SLC35F3: variants seen among roughly 807,000 people sequenced by gnomAD.
The protein encoded by SLC35F3 is solute carrier family 35 member F3.
A neutral mutation model predicts 49.9 loss-of-function variants in SLC35F3; 25 were observed. The observed-to-expected ratio is 0.50, with a 90% CI of 0.37 to 0.70. The LOEUF (loss-of-function observed/expected upper bound fraction) is 0.70, where lower values mean the gene tolerates loss of function less well. Among genes scored for constraint, SLC35F3 ranks in the 30% least tolerant of loss-of-function variants. The pLI is 0.00. For missense variants in SLC35F3, 525 were observed against 639.8 expected (o/e 0.82, Z 1.94); for synonymous variants, 275 against 265.4 (o/e 1.04, Z -0.35).
At chr1:233,945,127 G>A (rs1055335529) in intron 2 of SLC35F3, among the ~76,000 whole-genome samples, 2 of 151,768 alleles carry the variant, frequency 1.3e-5, no homozygotes, top group African/African-American at 4.8e-5. Context: ...ATTTTCATTC[G>A]GTTAGTGATC....
chr1:234,018,737 A>G (rs1213856096), intron 2 of SLC35F3, among the ~76,000 whole-genome samples: 2 of 152,242 alleles, frequency 1.3e-5, no homozygotes, highest in African/African-American at 4.8e-5. Flanking sequence ...TGATTCAAGC[A>G]TCTCTGCCAA....
At chr1:233,909,467 G>C (rs1323174316) in intron 2 of SLC35F3, among the ~76,000 whole-genome samples, 2 of 152,112 alleles carry the variant, frequency 1.3e-5, no homozygotes, top group East Asian at 3.8e-4. Flanking sequence ...CTGACCTCTG[G>C]GACAGGGAGC....
At chr1:234,026,866 A>G (rs1434224530) in intron 2 of SLC35F3, 1 of 152,286 alleles carries the variant, frequency 6.6e-6, no homozygotes, top group Non-Finnish European at 1.5e-5. Context: ...AGCAAAGTGT[A>G]CAAAGGCTCC....
chr1:234,130,564 G>A (rs532936183), intron 2 of SLC35F3, among the ~76,000 whole-genome samples: 35 of 151,626 alleles, frequency 2.3e-4, no homozygotes, highest in African/African-American at 6.8e-4. Context: ...GCGTGAACCC[G>A]GGAGGTGGAG....
intron 2 of SLC35F3, among the ~76,000 whole-genome samples, chr1:234,184,306 C>A (rs1210935874): frequency 6.6e-6 from 1 of 152,144 alleles, no homozygotes; most frequent in Non-Finnish European, 1.5e-5. Flanking sequence ...AGTCCCATAG[C>A]AAAATATCAT....
intron 2 of SLC35F3, among the ~76,000 whole-genome samples, chr1:234,190,014 ACT>A (rs1296465777): frequency 1.3e-5 from 2 of 152,190 alleles, no homozygotes; most frequent in African/African-American, 2.4e-5. Flanking sequence ...ACAAACACAC[ACT>A]AAGAGAATTC....
At chr1:234,125,855 C>A (rs1366545826) in intron 2 of SLC35F3, among the ~76,000 whole-genome samples, 1 of 152,172 alleles carries the variant, frequency 6.6e-6, no homozygotes, top group Non-Finnish European at 1.5e-5. Context: ...AACCCTCGGA[C>A]CCCTCGTTCC....
At chr1:234,227,031 G>C (rs539894787) in intron 2 of SLC35F3, among the ~76,000 whole-genome samples, 4 of 151,544 alleles carry the variant, frequency 2.6e-5, no homozygotes, top group African/African-American at 9.7e-5. Context: ...GGATGAACCC[G>C]CCTGTCCTCC....
chr1:234,116,197 G>A (rs1665483992), intron 2 of SLC35F3, among the ~76,000 whole-genome samples: 1 of 152,146 alleles, frequency 6.6e-6, no homozygotes, highest in South Asian at 2.1e-4. Flanking sequence ...TCGGTCTGTA[G>A]CTATCTGCTT....
intron 2 of SLC35F3, among the ~76,000 whole-genome samples, chr1:233,927,921 A>G (rs1282887481): frequency 6.6e-6 from 1 of 152,190 alleles, no homozygotes; most frequent in Non-Finnish European, 1.5e-5. Context: ...TAAAGTATTA[A>G]TATTTATAAA....
intron 2 of SLC35F3, among the ~76,000 whole-genome samples, chr1:233,980,125 C>T (rs975842724): frequency 6.6e-6 from 1 of 152,242 alleles, no homozygotes; most frequent in Admixed American, 6.5e-5. Context: ...TTACCACACA[C>T]ACAGCCTTGT....
At chr1:234,170,862 G>T (rs538258701) in intron 2 of SLC35F3, among the ~76,000 whole-genome samples, 3 of 152,170 alleles carry the variant, frequency 2.0e-5, no homozygotes, top group Non-Finnish European at 2.9e-5. Flanking sequence ...TGGCCTTGCC[G>T]TGGGGACAGT....
chr1:234,250,697 G>T (rs1667724443), intron 3 of SLC35F3, among the ~76,000 whole-genome samples: 1 of 150,502 alleles, frequency 6.6e-6, no homozygotes, highest in Non-Finnish European at 1.5e-5. Flanking sequence ...TCATCATTTT[G>T]CAGGATATAC....
chr1:234,268,617 A>T (rs1325105660), intron 3 of SLC35F3: 1 of 152,254 alleles, frequency 6.6e-6, no homozygotes, highest in Non-Finnish European at 1.5e-5. Context: ...CAAAACACCC[A>T]AAAGCAACCC....
intron 2 of SLC35F3, among the ~76,000 whole-genome samples, chr1:234,205,899 G>A (rs1265248944): frequency 1.3e-5 from 2 of 152,166 alleles, no homozygotes; most frequent in African/African-American, 2.4e-5. Context: ...AGGGGACCTG[G>A]GGGTGCAGGG....
intron 3 of SLC35F3, among the ~76,000 whole-genome samples, chr1:234,277,666 CCTGT>C (rs1332788037): frequency 2.6e-5 from 4 of 152,144 alleles, no homozygotes; most frequent in Non-Finnish European, 4.4e-5. Flanking sequence ...TTCCTCCCAC[CCTGT>C]CTATCAACTT....
intron 2 of SLC35F3, among the ~76,000 whole-genome samples, chr1:234,222,298 T>C (rs1460020249): frequency 6.6e-6 from 1 of 152,216 alleles, no homozygotes; most frequent in Non-Finnish European, 1.5e-5. Context: ...TGGTTCAGAA[T>C]GTCTATCCTT....
At chr1:234,201,777 C>T in intron 2 of SLC35F3, among the ~76,000 whole-genome samples, 1 of 152,002 alleles carries the variant, frequency 6.6e-6, no homozygotes, top group East Asian at 1.9e-4. Flanking sequence ...TTTGGTTTTG[C>T]GTGTGGTTTT....
At chr1:233,910,780 T>C (rs1054244085) in intron 2 of SLC35F3, among the ~76,000 whole-genome samples, 8 of 152,244 alleles carry the variant, frequency 5.3e-5, no homozygotes, top group Admixed American at 5.2e-4. Flanking sequence ...TTATACACTT[T>C]GTTGAACGTC....
Sources: gnomAD v4.1 joint callset for allele counts (sites outside exome capture counted in the v4.1 genomes callset) on GRCh38, gnomAD v4.1.1 for gene constraint, MANE v1.5 for transcripts, NCBI Gene and HGNC (gene_info 2026-07-23, HGNC 2026-07-21) for gene names.